The following IP6K2 variants were observed in gnomAD, a reference collection of about 807,000 sequenced individuals.
IP6K2 encodes ATP:1D-myo-inositol-hexakisphosphate phosphotransferase.
Under a neutral mutation model 43.3 loss-of-function variants are expected in IP6K2, and 9 were observed. The ratio of observed to expected loss-of-function variants is 0.21; its 90% CI spans 0.13 to 0.36. The LOEUF (loss-of-function observed/expected upper bound fraction) is 0.36, where lower values mean the gene tolerates loss of function less well. Ranked by LOEUF, IP6K2 falls within the 10% of genes least tolerant of loss-of-function variation. The pLI is 1.00. For missense variants in IP6K2, 332 were observed against 538.4 expected (o/e 0.62, Z 3.79); for synonymous variants, 209 against 202.4 (o/e 1.03, Z -0.28).
chr3:48,693,434 A>C (rs2077977730), intron 2 of IP6K2: 1 of 1,398,336 alleles, frequency 7.2e-7, no homozygotes. Flanking sequence ...AGAGCCAAAG[A>C]ATTACAAGAC....
chr3:48,693,300 C>T (rs1279121236), intron 2 of IP6K2, 121 bp from the exon 3 acceptor site: 2 of 1,112,248 alleles, frequency 1.8e-6, no homozygotes, highest in South Asian at 1.2e-5. Flanking sequence ...TTGCCAGAGG[C>T]CCCAAACTCA....
intron 1 of IP6K2, among the ~76,000 whole-genome samples, chr3:48,710,666 G>A (rs1456198684): frequency 6.6e-6 from 1 of 151,932 alleles, no homozygotes; most frequent in Non-Finnish European, 1.5e-5. Flanking sequence ...CTGGAGTGCA[G>A]TGGCGGGATC....
At chr3:48,712,274 GCT>G (rs1345416104) in intron 1 of IP6K2, among the ~76,000 whole-genome samples, 1 of 136,260 alleles carries the variant, frequency 7.3e-6, no homozygotes. Context: ...ACAGAGTCTT[GCT>G]CTGTCTCCCA....
rs764767959 is a variant in IP6K2 at position 48,688,525 on chromosome 3, C to T, written c.1029G>A (p.Val343=). ...VIYDGKERPE[V]VLDSDAEDLE... is the part of the protein sequence containing the mutation. Reference sequence around the variant, plus strand: ...AATCCTCAGCATCTGAGTCCAGGACCACTTCGGGCCGCTCCTTGCCATCAT... The same window carrying T: ...AATCCTCAGCATCTGAGTCCAGGACTACTTCGGGCCGCTCCTTGCCATCAT... The change falls in exon 6 of 6, where the codon GTG becomes GTA. Residue 343 remains valine (V), a synonymous_variant. Coordinates refer to ENST00000328631, the MANE Select transcript of IP6K2 (RefSeq NM_016291.4). This position sits in a 1 kb window ranked among gnomAD's most constrained non-coding sequence, Gnocchi z 5.1. 3.9e-5 allele frequency: 63 copies of T among 1,614,082 alleles called. No individual in the cohort carries two copies. The highest frequency in any genetic ancestry group is 5.3e-5 in the Non-Finnish European group (63 of 1,180,048).
At chr3:48,704,973 A>C (rs2079537694) in intron 1 of IP6K2, among the ~76,000 whole-genome samples, 1 of 149,278 alleles carries the variant, frequency 6.7e-6, no homozygotes, top group Admixed American at 6.7e-5. Context: ...ACGGAGTCTC[A>C]CTCTGTCGCC....
rs531346478 is a variant in IP6K2 at position 48,703,555 on chromosome 3, A to G, written c.-130-8134T>C. 6.3e-3 allele frequency among the ~76,000 whole-genome samples: 959 copies of G among 151,160 alleles called. 11 individuals are homozygous for G. The highest frequency in any genetic ancestry group is 0.022 in the African/African-American group (908 of 41,228). ...CCATCTCTACTAAAAATACAAAAAAAAAAAAAAAAAAATTAGCCAGGCATG... is the reference window on the plus strand; with the variant it reads ...CCATCTCTACTAAAAATACAAAAAAGAAAAAAAAAAAATTAGCCAGGCATG... On this transcript the variant is annotated intron_variant, in intron 1 of 5. Coordinates refer to ENST00000328631, the MANE Select transcript of IP6K2 (RefSeq NM_016291.4).
chr3:48,690,382 T>A (rs1168178648), intron 4 of IP6K2, among the ~76,000 whole-genome samples: 1 of 152,074 alleles, frequency 6.6e-6, no homozygotes. Context: ...ACGCCTGTTA[T>A]CCCAACATTT....
intron 1 of IP6K2, among the ~76,000 whole-genome samples, chr3:48,700,085 C>A (rs1324776953): frequency 6.6e-6 from 1 of 152,094 alleles, no homozygotes; most frequent in Non-Finnish European, 1.5e-5. Context: ...CTTTTTGATC[C>A]TTTTGTTTTA....
At chr3:48,708,459 G>A (rs1419816308) in intron 1 of IP6K2, among the ~76,000 whole-genome samples, 4 of 151,816 alleles carry the variant, frequency 2.6e-5, no homozygotes, top group Non-Finnish European at 4.4e-5. Flanking sequence ...TCAAACTCCT[G>A]GCCTCAAGTG....
At chr3:48,690,804 G>GA (rs1185091252) in intron 4 of IP6K2, among the ~76,000 whole-genome samples, 1,728 of 140,530 alleles carry the variant, frequency 0.012, 26 homozygotes, top group Non-Finnish European at 0.014. Context: ...AAAAAAAAAA[G>GA]AAAAAAAAGA....
intron 2 of IP6K2, chr3:48,694,143 G>A: frequency 2.0e-6 from 3 of 1,537,466 alleles, no homozygotes; most frequent in Non-Finnish European, 2.6e-6. Flanking sequence ...AGCCGGGGTG[G>A]GGTATTCAGG....
Position 48,693,151 on chromosome 3 carries a change from ATCT to A in IP6K2, c.228_230del (p.Glu76del), listed in dbSNP as rs773276626. On this transcript the variant is annotated inframe_deletion, in exon 3 of 6. Coordinates refer to ENST00000328631, the MANE Select transcript of IP6K2 (RefSeq NM_016291.4). ...CTATTAGACACAAGTTCCTGTCTTC[ATCT>A]TCTTCAAAGCGCACAGATACCACAC... 6.2e-7 allele frequency: 1 copy of A among 1,614,214 alleles called. No individual in the cohort carries two copies. The highest frequency in any genetic ancestry group is 8.5e-7 in the Non-Finnish European group (1 of 1,180,030).
chr3:48,695,166 C>T lies in IP6K2; in HGVS notation c.126G>A (p.Lys42=). The change falls in exon 2 of 6, where the codon AAG becomes AAA. Residue 42 remains lysine, a synonymous_variant. Coordinates refer to ENST00000328631, the MANE Select transcript of IP6K2 (RefSeq NM_016291.4). The surrounding 1 kb of genome is among the most constrained non-coding windows in gnomAD (Gnocchi z 4.6). ...ACTGATGTTCCCTTGGGACCAGGGG[C>T]TTGCACAGGGTTGTCTCATTGAAGC... ...VLRFNETTLC[K]PLVPREHQFY... is the part of the protein sequence containing the mutation. 1 of 1,606,012 alleles carries T rather than the reference C, an allele frequency of 6.2e-7. No homozygotes were observed. Among genetic ancestry groups the T allele is most frequent in the Non-Finnish European group, 8.5e-7 (1 of 1,174,048 alleles).
At chr3:48,698,533 G>A (rs752411456) in intron 1 of IP6K2, among the ~76,000 whole-genome samples, 11 of 152,118 alleles carry the variant, frequency 7.2e-5, no homozygotes, top group South Asian at 2.1e-4. Flanking sequence ...GCAGTGGCGC[G>A]ACCTTGGCTC....
At chr3:48,705,652 A>AT (rs1045766934) in intron 1 of IP6K2, among the ~76,000 whole-genome samples, 8 of 149,750 alleles carry the variant, frequency 5.3e-5, no homozygotes, top group African/African-American at 2.0e-4. Context: ...GACACTGTCT[A>AT]TTAAAAAAAA....
At chr3:48,694,766 A>G (rs1289764932) in intron 2 of IP6K2, 31 of 1,527,258 alleles carry the variant, frequency 2.0e-5, no homozygotes, top group Non-Finnish European at 2.7e-5. Context: ...AATCCTCCCA[A>G]AGTCTTCCCC....
chr3:48,694,016 C>A, intron 2 of IP6K2: 1 of 1,400,060 alleles, frequency 7.1e-7, no homozygotes, highest in Non-Finnish European at 9.3e-7. Context: ...CACCTTTCCT[C>A]CCAGGCCTCT....
rs1197337413 is a variant in IP6K2 at position 48,689,686 on chromosome 3, G to T, written c.632C>A (p.Ser211Tyr). The change falls in exon 5 of 6, where the codon TCC becomes TAC. Residue 211 changes from serine (S) to tyrosine (Y), a missense_variant. Ser to Tyr is a moderately radical substitution (Grantham distance 144). Coordinates refer to ENST00000328631, the MANE Select transcript of IP6K2 (RefSeq NM_016291.4). ...YKFILLENLT[S>Y]RYEVPCVLDL... Reference sequence around the variant, plus strand: ...AAGGACACAAGGCACCTCGTAGCGGGAAGTCAGGTTTTCCAGTAAGATAAA... The same window carrying T: ...AAGGACACAAGGCACCTCGTAGCGGTAAGTCAGGTTTTCCAGTAAGATAAA... The T allele has an allele frequency of 1.2e-6, 2 of 1,613,864 alleles. No individual in the cohort carries two copies. Among genetic ancestry groups the T allele is most frequent in the African/African-American group, 2.7e-5 (2 of 74,926 alleles).
chr3:48,696,706 G>A (rs1243283831), intron 1 of IP6K2, among the ~76,000 whole-genome samples: 1 of 152,196 alleles, frequency 6.6e-6, no homozygotes, highest in Admixed American at 6.6e-5. Flanking sequence ...GGATTTTACT[G>A]GGAACTCCTT....
Sources: gnomAD v4.1 joint callset for allele counts (sites outside exome capture counted in the v4.1 genomes callset) on GRCh38, gnomAD v4.1.1 for gene constraint, Gnocchi (gnomAD v3.1) non-coding constraint, MANE v1.5 for transcripts, NCBI Gene and HGNC (gene_info 2026-07-23, HGNC 2026-07-21) for gene names.